The following LRGUK variants were observed in gnomAD, a reference collection of about 807,000 sequenced individuals.
The protein encoded by LRGUK is leucine rich repeats and guanylate kinase domain containing, also known as leucine-rich repeat and guanylate kinase domain-containing protein.
Under a neutral mutation model 76.0 loss-of-function variants are expected in LRGUK, and 65 were observed. That is an observed-to-expected ratio of 0.85 (90% CI 0.70 to 1.05). The LOEUF is 1.05. Among genes scored for constraint, LRGUK ranks in the 50% least tolerant of loss-of-function variants. The pLI is 0.00. For missense variants in LRGUK, 758 were observed against 732.8 expected (o/e 1.03, Z -0.40); for synonymous variants, 268 against 265.6 (o/e 1.01, Z -0.09).
chr7:134,145,028 G>T (rs1797912133), intron 4 of LRGUK, among the ~76,000 whole-genome samples: 1 of 151,962 alleles, frequency 6.6e-6, no homozygotes. Context: ...CCCCTTCCTT[G>T]CACTCTCCCA....
At chr7:134,258,389 C>T (rs778423903) in exon 19 of LRGUK, 64 of 1,613,602 alleles carry the variant, frequency 4.0e-5, no homozygotes, top group Non-Finnish European at 5.3e-5. Flanking sequence ...ACAGTGAGAC[C>T]GAAGAGACCC....
chr7:134,152,501 T>A (rs149753589), intron 5 of LRGUK, among the ~76,000 whole-genome samples: 152 of 152,182 alleles, frequency 1.0e-3, no homozygotes, highest in African/African-American at 3.4e-3. Context: ...CAGCCTCATT[T>A]GTATTCCAAG....
At chr7:134,191,884 G>GGT in intron 12 of LRGUK, 133 bp downstream of exon 12, 3 of 449,740 alleles carry the variant, frequency 6.7e-6, no homozygotes, top group Non-Finnish European at 1.1e-5. Flanking sequence ...TTTTTATGGG[G>GGT]TTTTTTTTTT....
At chr7:134,215,471 G>GT (rs1385173152) in intron 15 of LRGUK, among the ~76,000 whole-genome samples, 1 of 152,104 alleles carries the variant, frequency 6.6e-6, no homozygotes, top group Non-Finnish European at 1.5e-5. Flanking sequence ...GGTTGGATGG[G>GT]TTGACATCAT....
At chr7:134,249,074 G>C in exon 18 of LRGUK, 1 of 1,560,862 alleles carries the variant, frequency 6.4e-7, no homozygotes, top group Non-Finnish European at 8.7e-7. Flanking sequence ...ATCCTGAAAA[G>C]AGGTGAGTTG....
At chr7:134,263,427 A>ATGTGTGTGTGTGTGTGTG (rs1802789630) in intron 19 of LRGUK, among the ~76,000 whole-genome samples, 1 of 53,048 alleles carries the variant, frequency 1.9e-5, no homozygotes, top group Non-Finnish European at 4.8e-5. Context: ...GTCTGTGTGC[A>ATGTGTGTGTGTGTGTGTG]TGTGTATGAT....
At chr7:134,174,098 A>G (rs1436111520) in intron 7 of LRGUK, among the ~76,000 whole-genome samples, 1 of 137,234 alleles carries the variant, frequency 7.3e-6, no homozygotes, top group East Asian at 2.3e-4. Context: ...ACAGAGCGAG[A>G]CTCCATCGCA....
chr7:134,248,977 G>T, exon 18 of LRGUK: 1 of 1,554,966 alleles, frequency 6.4e-7, no homozygotes, highest in Non-Finnish European at 8.7e-7. Context: ...CCTCTCACCA[G>T]TGGTCTACAC....
chr7:134,261,101 C>A (rs1802713925), intron 19 of LRGUK, among the ~76,000 whole-genome samples: 1 of 152,112 alleles, frequency 6.6e-6, no homozygotes, highest in African/African-American at 2.4e-5. Context: ...TTCAGCCAGT[C>A]TGTAGTTGTT....
chr7:134,147,925 G>A (rs1397110861), intron 4 of LRGUK, among the ~76,000 whole-genome samples: 4 of 151,924 alleles, frequency 2.6e-5, no homozygotes, highest in Admixed American at 6.6e-5. Context: ...AGCCAGTTGC[G>A]GTGGTGGGCA....
chr7:134,141,456 C>T (rs904100942), intron 3 of LRGUK, among the ~76,000 whole-genome samples: 44 of 152,166 alleles, frequency 2.9e-4, no homozygotes, highest in African/African-American at 1.0e-3. Context: ...GAGCTCCTGC[C>T]CTCTGGTGGG....
intron 18 of LRGUK, among the ~76,000 whole-genome samples, chr7:134,254,407 A>C (rs1415501801): frequency 1.3e-5 from 2 of 152,182 alleles, no homozygotes; most frequent in African/African-American, 4.8e-5. Context: ...CTGATAGACA[A>C]CACACATTTA....
exon 12 of LRGUK, chr7:134,191,672 G>T: frequency 6.2e-7 from 1 of 1,612,250 alleles, no homozygotes; most frequent in South Asian, 1.1e-5. Flanking sequence ...CATACCACAA[G>T]ACCACCTTAC....
chr7:134,255,470 G>A (rs145371220), intron 18 of LRGUK, among the ~76,000 whole-genome samples: 8 of 152,282 alleles, frequency 5.3e-5, no homozygotes, highest in African/African-American at 1.7e-4. Flanking sequence ...TTAACTGAAG[G>A]AAGAAGACAT....
intron 18 of LRGUK, among the ~76,000 whole-genome samples, chr7:134,258,045 T>A (rs1585608489): frequency 6.6e-6 from 1 of 152,304 alleles, no homozygotes; most frequent in East Asian, 1.9e-4. Context: ...TTTATGCTAA[T>A]GTGTACAGTA....
chr7:134,140,270 C>T (rs771901094), intron 3 of LRGUK, among the ~76,000 whole-genome samples: 2 of 152,098 alleles, frequency 1.3e-5, no homozygotes, highest in Non-Finnish European at 2.9e-5. Context: ...GTGCCCGGGC[C>T]TACATTTTGC....
At chr7:134,239,320 T>G (rs1047208440) in intron 16 of LRGUK, among the ~76,000 whole-genome samples, 1 of 152,104 alleles carries the variant, frequency 6.6e-6, no homozygotes. Context: ...CCATGACAGA[T>G]GGTACCTGGA....
intron 18 of LRGUK, among the ~76,000 whole-genome samples, chr7:134,256,825 G>A (rs1186964269): frequency 6.6e-6 from 1 of 152,162 alleles, no homozygotes; most frequent in African/African-American, 2.4e-5. Flanking sequence ...TAAAGCACGT[G>A]TGTGATTAGA....
intron 12 of LRGUK, among the ~76,000 whole-genome samples, chr7:134,195,221 G>A (rs542123427): frequency 1.3e-5 from 2 of 152,160 alleles, no homozygotes; most frequent in South Asian, 4.2e-4. Context: ...TTTAGGGAGG[G>A]TCAGAATCTT....
Sources: gnomAD v4.1 joint callset for allele counts (sites outside exome capture counted in the v4.1 genomes callset) on GRCh38, gnomAD v4.1.1 for gene constraint, MANE v1.5 for transcripts, NCBI Gene and HGNC (gene_info 2026-07-23, HGNC 2026-07-21) for gene names.